The following RASGEF1B variants were observed in gnomAD, a reference collection of about 807,000 sequenced individuals.
RASGEF1B encodes ras-GEF domain-containing family member 1B.
A neutral mutation model predicts 65.7 loss-of-function variants in RASGEF1B; 30 were observed. The observed-to-expected ratio is 0.46, with a 90% CI of 0.34 to 0.62. The LOEUF is 0.62. Among genes scored for constraint, RASGEF1B ranks in the 20% least tolerant of loss-of-function variants. The pLI is 0.01. For missense variants in RASGEF1B, 495 were observed against 580.1 expected, an observed-to-expected ratio of 0.85 and a Z score of 1.51; for synonymous variants, 175 against 194.8, an observed-to-expected ratio of 0.90 and a Z score of 0.85.
chr4:81,432,947 G>C (rs751648446), intron 12 of RASGEF1B, among the ~76,000 whole-genome samples: 6 of 151,862 alleles, frequency 4.0e-5, no homozygotes, highest in Non-Finnish European at 8.8e-5. Flanking sequence ...TCTCCTGGCT[G>C]GGTGTGGTGG....
intron 6 of RASGEF1B, 78 bp from the exon 7 acceptor site, chr4:81,445,916 C>A: frequency 7.8e-6 from 8 of 1,020,936 alleles, no homozygotes; most frequent in South Asian, 1.4e-5. Context: ...GAAATACGAG[C>A]CTTTAGTCTC....
At position 81,448,270 on chromosome 4, in the gene RASGEF1B, C is replaced by A. The variant is rs1305050251; in HGVS notation, c.453G>T (p.Lys151Asn). The A allele has an allele frequency of 1.9e-6, 3 of 1,612,578 alleles. No homozygotes were observed. The highest frequency in any genetic ancestry group is 2.5e-6 in the Non-Finnish European group (3 of 1,179,920). The part of the protein sequence containing the change: ...IASGEEQTYR[K>N]NVQQMMQCLI... ...GACACTGCATCATTTGCTGGACATT[C>A]TTTCTGTATGTCTGCTAGGGAATAA... Residue 151 changes from lysine to asparagine, a missense_variant, in exon 5 of 14, where the codon AAG becomes AAT. Lys to Asn is a moderately conservative substitution (Grantham distance 94, BLOSUM62 0). Transcript: ENST00000264400.
intron 1 of RASGEF1B, among the ~76,000 whole-genome samples, chr4:81,467,202 C>A (rs575650161): frequency 2.7e-4 from 41 of 152,300 alleles, no homozygotes; most frequent in Middle Eastern, 6.8e-3. Context: ...GATTTATCAG[C>A]ATCCATACAA....
At chr4:81,434,412 G>A (rs1721537576) in intron 11 of RASGEF1B, among the ~76,000 whole-genome samples, 1 of 152,054 alleles carries the variant, frequency 6.6e-6, no homozygotes, top group African/African-American at 2.4e-5. Flanking sequence ...TATTTGTGAG[G>A]TAAAAAAATG....
chr4:81,431,323 G>A (rs1199989774), intron 13 of RASGEF1B, among the ~76,000 whole-genome samples: 2 of 151,078 alleles, frequency 1.3e-5, no homozygotes, highest in African/African-American at 4.9e-5. Flanking sequence ...AGCCCAACAA[G>A]CCTGTTATAT....
intron 10 of RASGEF1B, among the ~76,000 whole-genome samples, chr4:81,438,595 G>A (rs1264935329): frequency 2.6e-5 from 4 of 152,202 alleles, no homozygotes; most frequent in African/African-American, 9.6e-5. Flanking sequence ...GGATACGTGT[G>A]CACAACGTGC....
intron 13 of RASGEF1B, among the ~76,000 whole-genome samples, chr4:81,430,312 C>G (rs1008387223): frequency 6.6e-6 from 1 of 152,148 alleles, no homozygotes. Flanking sequence ...AACAAACAAA[C>G]AAACAAAAAG....
At chr4:81,464,409 T>A (rs529129726) in intron 1 of RASGEF1B, among the ~76,000 whole-genome samples, 2 of 152,210 alleles carry the variant, frequency 1.3e-5, no homozygotes, top group Non-Finnish European at 2.9e-5. Flanking sequence ...GAGATTTGTA[T>A]GAGACACAAG....
chr4:81,470,757 A>G (rs987729454), intron 1 of RASGEF1B, among the ~76,000 whole-genome samples: 1 of 152,246 alleles, frequency 6.6e-6, no homozygotes, highest in East Asian at 1.9e-4. Context: ...CCGTCTAGAC[A>G]ATCTCCTTGT....
At chr4:81,464,479 A>G (rs1357488312) in intron 1 of RASGEF1B, among the ~76,000 whole-genome samples, 1 of 152,228 alleles carries the variant, frequency 6.6e-6, no homozygotes, top group Non-Finnish European at 1.5e-5. Flanking sequence ...GAGCAGGTTA[A>G]TCTCAAAAGC....
intron 10 of RASGEF1B, among the ~76,000 whole-genome samples, chr4:81,435,667 G>A (rs566375583): frequency 6.7e-6 from 1 of 149,544 alleles, no homozygotes; most frequent in South Asian, 2.1e-4. Flanking sequence ...AGTAGAGACA[G>A]GGTTTCACCG....
chr4:81,449,370 T>C (rs573002506), intron 4 of RASGEF1B, among the ~76,000 whole-genome samples: 1 of 152,356 alleles, frequency 6.6e-6, no homozygotes, highest in South Asian at 2.1e-4. Context: ...GCATGTAGTT[T>C]AGATAACTGT....
At chr4:81,448,028 A>C (rs1377698440) in intron 5 of RASGEF1B, 41 bp downstream of exon 5, 3 of 1,556,290 alleles carry the variant, frequency 1.9e-6, no homozygotes, top group South Asian at 2.2e-5. Context: ...AAAGCAAAGC[A>C]AATCTGTGGT....
At chr4:81,448,007 G>T in intron 5 of RASGEF1B, 62 bp downstream of exon 5, 1 of 1,376,360 alleles carries the variant, frequency 7.3e-7, no homozygotes, top group Non-Finnish European at 1.0e-6. Flanking sequence ...CAAATATATC[G>T]TCTGGTTGCC....
chr4:81,442,444 C>G (rs1721873911), intron 8 of RASGEF1B, 68 bp from the exon 9 acceptor site: 1 of 868,500 alleles, frequency 1.2e-6, no homozygotes, highest in Non-Finnish European at 1.9e-6. Context: ...AAACGATAAA[C>G]ACATACTTCT....
In RASGEF1B at chr4:81,429,869, C is replaced by T. The variant is rs55862322; in HGVS notation, c.1398-2077G>A. 4.4e-3 allele frequency among the ~76,000 whole-genome samples: 670 copies of T among 152,112 alleles called. 5 individuals carry two copies. In the Middle Eastern group the frequency reaches 0.054, roughly 12 times the overall value. On this transcript the variant is annotated intron_variant, in intron 13 of 13. Coordinates refer to ENST00000264400, the MANE Select transcript of RASGEF1B (RefSeq NM_152545.3). ...GCTGGCAGATGGGCACACCGACATA[C>T]GCCAGCACACTGGCAGGCCACTTAC...
At chr4:81,435,185 G>T (rs1162264599) in intron 10 of RASGEF1B, among the ~76,000 whole-genome samples, 2 of 151,954 alleles carry the variant, frequency 1.3e-5, no homozygotes, top group Non-Finnish European at 2.9e-5. Flanking sequence ...GCCAAGGCGG[G>T]TGGATCATGA....
intron 5 of RASGEF1B, 23 bp downstream of exon 5, chr4:81,448,046 G>A (rs768187122): frequency 6.3e-7 from 1 of 1,598,552 alleles, no homozygotes; most frequent in Non-Finnish European, 8.6e-7. Context: ...GGTTGTAAAG[G>A]GCAATGATGA....
intron 8 of RASGEF1B, among the ~76,000 whole-genome samples, chr4:81,444,696 C>G (rs1267866851): frequency 1.3e-5 from 2 of 152,098 alleles, no homozygotes; most frequent in African/African-American, 4.8e-5. Flanking sequence ...GCCACCATGC[C>G]CAGCTAATTT....
Sources: allele counts gnomAD v4.1 joint callset (sites outside exome capture counted in the v4.1 genomes callset), GRCh38; gene constraint gnomAD v4.1.1; transcripts MANE v1.5; gene names NCBI Gene and HGNC (gene_info 2026-07-23, HGNC 2026-07-21).